SMG7: variants seen among roughly 807,000 people sequenced by gnomAD.
SMG7 encodes nonsense-mediated mRNA decay factor SMG7.
Under a neutral mutation model 148.2 loss-of-function variants are expected in SMG7, and 34 were observed. The observed-to-expected ratio is 0.23, with a 90% CI of 0.17 to 0.31. The LOEUF (loss-of-function observed/expected upper bound fraction) is 0.31, where lower values mean the gene tolerates loss of function less well. SMG7 is among the 10% of genes least tolerant of loss of function. The pLI, the probability that SMG7 is intolerant of heterozygous loss-of-function variation, is 1.00. For missense variants in SMG7, 1,114 were observed against 1,408.4 expected (o/e 0.79, Z 3.35); for synonymous variants, 492 against 515.1 (o/e 0.96, Z 0.61).
intron 8 of SMG7, among the ~76,000 whole-genome samples, chr1:183,531,840 A>G (rs563320295): frequency 6.6e-6 from 1 of 152,296 alleles, no homozygotes; most frequent in African/African-American, 2.4e-5. Context: ...TTATGCCAGT[A>G]TTATTTGAAT....
intron 1 of SMG7, among the ~76,000 whole-genome samples, chr1:183,496,647 G>T (rs1158534331): frequency 6.6e-6 from 1 of 152,020 alleles, no homozygotes; most frequent in African/African-American, 2.4e-5. Flanking sequence ...GGGACACTTC[G>T]TTTGACAAAT....
chr1:183,517,790 C>T lies in SMG7; in HGVS notation c.282C>T (p.Phe94=), dbSNP rs1663876517. The T allele has an allele frequency of 6.2e-7, 1 of 1,613,952 alleles. No homozygotes were observed. Among genetic ancestry groups the T allele is most frequent in the Non-Finnish European group, 8.5e-7 (1 of 1,179,976 alleles). The change falls in exon 4 of 23, where the codon TTC becomes TTT. Residue 94 remains phenylalanine (F), a synonymous_variant. Coordinates refer to ENST00000688051, the MANE Select transcript of SMG7 (RefSeq NM_001375584.1). ...AAGTTCAGGCAAACCTTTCTCTGTT[C>T]CTAGAGGCAGCTAGTGGCTTCTATA... is the stretch of plus-strand genomic sequence containing the variant. The part of the protein sequence containing the change: ...RSEVQANLSL[F]LEAASGFYTQ...
intron 6 of SMG7, among the ~76,000 whole-genome samples, chr1:183,528,249 G>A (rs780803453): frequency 7.9e-5 from 12 of 151,494 alleles, no homozygotes; most frequent in Non-Finnish European, 1.8e-4. Flanking sequence ...ATTTATTATT[G>A]TCAGTAAAGC....
intron 1 of SMG7, among the ~76,000 whole-genome samples, chr1:183,486,659 T>C (rs1655505864): frequency 1.3e-5 from 2 of 152,158 alleles, no homozygotes; most frequent in Admixed American, 6.5e-5. Flanking sequence ...TCCACCTGCA[T>C]TGGCCTCCCA....
rs989411602 is a variant in SMG7 at position 183,522,393 on chromosome 1, A to G, written c.313-4203A>G. Among the ~76,000 whole-genome samples, 7 of 152,350 alleles carry G rather than the reference A, an allele frequency of 4.6e-5. No individual in the cohort carries two copies. The East Asian group carries it at 7.7e-4, about 17-fold the overall frequency. On this transcript the variant is annotated intron_variant, in intron 4 of 22. Coordinates refer to ENST00000688051, the MANE Select transcript of SMG7 (RefSeq NM_001375584.1). ...TTGGAAGCCAAGAGAAAAACATCTG[A>G]ATAAGGAAGGGAGTCATCAGCCCTG...
chr1:183,550,638 C>A, intron 20 of SMG7, 113 bp from the exon 21 acceptor site: 1 of 1,035,376 alleles, frequency 9.7e-7, no homozygotes, highest in Non-Finnish European at 1.4e-6. Context: ...TCCTTCAAAG[C>A]CCTGTGGTTA....
Position 183,533,771 on chromosome 1 carries a change from A to G in SMG7, c.1102A>G (p.Met368Val). ...TCCTCTTCCAGCAGTCAAGGTCTCCATGGACTGGCTAAGACTCAGACCCAG... is the reference window on the plus strand; with the variant it reads ...TCCTCTTCCAGCAGTCAAGGTCTCCGTGGACTGGCTAAGACTCAGACCCAG... ...AYPLPAVKVS[M>V]DWLRLRPRVF... The change falls in exon 10 of 23, where the codon ATG becomes GTG. Residue 368 changes from methionine (M) to valine (V), a missense_variant. Physicochemically the swap from Met to Val is conservative, Grantham distance 21. Coordinates refer to ENST00000688051, the MANE Select transcript of SMG7 (RefSeq NM_001375584.1). 1.9e-6 allele frequency: 3 copies of G among 1,613,598 alleles called. No homozygotes were observed. Among genetic ancestry groups the G allele is most frequent in the Non-Finnish European group, 2.5e-6 (3 of 1,179,582 alleles).
chr1:183,483,675 A>G (rs1301555872), intron 1 of SMG7, among the ~76,000 whole-genome samples: 1 of 152,178 alleles, frequency 6.6e-6, no homozygotes, highest in Non-Finnish European at 1.5e-5. Context: ...CTATGAAATC[A>G]TATTCCTCAA....
chr1:183,509,852 T>G (rs1661741663), intron 1 of SMG7, among the ~76,000 whole-genome samples: 1 of 152,176 alleles, frequency 6.6e-6, no homozygotes, highest in Admixed American at 6.5e-5. Flanking sequence ...ATGGTAAAAA[T>G]AACAGAGTAA....
At chr1:183,501,408 A>G (rs1029676722) in intron 1 of SMG7, 8 of 152,224 alleles carry the variant, frequency 5.3e-5, no homozygotes, top group Non-Finnish European at 8.8e-5. Flanking sequence ...TTACTATATT[A>G]TACTCCCATT....
chr1:183,502,195 C>G (rs1659884601), intron 1 of SMG7: 2 of 1,119,010 alleles, frequency 1.8e-6, no homozygotes, highest in Non-Finnish European at 2.3e-6. Context: ...TAATTTTCTT[C>G]ATAGGGGTTC....
At chr1:183,488,723 T>A (rs1656154717) in intron 1 of SMG7, among the ~76,000 whole-genome samples, 1 of 148,274 alleles carries the variant, frequency 6.7e-6, no homozygotes, top group South Asian at 2.2e-4. Context: ...TCTCACTCTG[T>A]TGCCCAGGCT....
At chr1:183,528,709 G>T (rs1045311971) in intron 6 of SMG7, among the ~76,000 whole-genome samples, 183 bp from the exon 7 acceptor site, 1 of 152,186 alleles carries the variant, frequency 6.6e-6, no homozygotes, top group Non-Finnish European at 1.5e-5. Flanking sequence ...ACCTGTATAT[G>T]ATAGTGTGTA....
intron 1 of SMG7, among the ~76,000 whole-genome samples, chr1:183,485,633 A>G (rs1039112464): frequency 6.6e-6 from 1 of 152,188 alleles, no homozygotes; most frequent in African/African-American, 2.4e-5. Flanking sequence ...ACTTTGACCT[A>G]TCAGGGCTAA....
chr1:183,535,184 G>C (rs1667538426), intron 10 of SMG7, among the ~76,000 whole-genome samples: 1 of 152,146 alleles, frequency 6.6e-6, no homozygotes, highest in Admixed American at 6.6e-5. Context: ...TTTGCTTATA[G>C]AGTTTTTATA....
intron 1 of SMG7, among the ~76,000 whole-genome samples, chr1:183,482,227 G>A (rs1003124045): frequency 3.3e-5 from 5 of 151,734 alleles, no homozygotes; most frequent in African/African-American, 1.2e-4. Flanking sequence ...TTTGTGTGGG[G>A]GTGGGGGGTC....
At chr1:183,473,883 A>T (rs951747316) in intron 1 of SMG7, 7 of 985,060 alleles carry the variant, frequency 7.1e-6, no homozygotes, top group African/African-American at 1.7e-5. Context: ...GGATCCCTAT[A>T]TGTATATTGC....
At chr1:183,481,997 A>T (rs1654245276) in intron 1 of SMG7, among the ~76,000 whole-genome samples, 1 of 152,104 alleles carries the variant, frequency 6.6e-6, no homozygotes, top group African/African-American at 2.4e-5. Flanking sequence ...TTTTAAAAGG[A>T]TGAGCAGGAT....
At chr1:183,540,268 C>T (rs952500151) in intron 12 of SMG7, among the ~76,000 whole-genome samples, 8 of 152,140 alleles carry the variant, frequency 5.3e-5, no homozygotes, top group African/African-American at 1.9e-4. Flanking sequence ...AGGAACTCAT[C>T]CTCCTTTTAC....
Sources: gnomAD v4.1 joint callset for allele counts (sites outside exome capture counted in the v4.1 genomes callset) on GRCh38, gnomAD v4.1.1 for gene constraint, MANE v1.5 for transcripts, NCBI Gene and HGNC (gene_info 2026-07-23, HGNC 2026-07-21) for gene names.